Variants in PAX5 observed in about 807,000 individuals in gnomAD.
PAX5 encodes paired box 5.
A neutral mutation model predicts 43.7 loss-of-function variants in PAX5; 9 were observed. The ratio of observed to expected loss-of-function variants is 0.21; its 90% CI spans 0.12 to 0.36. The LOEUF (loss-of-function observed/expected upper bound fraction) is 0.36. Among genes scored for constraint, PAX5 ranks in the 10% least tolerant of loss-of-function variants. The pLI is 1.00. For missense variants in PAX5, 383 were observed against 532.7 expected, an observed-to-expected ratio of 0.72 and a Z score of 2.77; for synonymous variants, 228 against 214.3, an observed-to-expected ratio of 1.06 and a Z score of -0.56.
At position 36,986,860 on chromosome 9, in the gene PAX5, C is replaced by T. The variant is rs560998864; in HGVS notation, c.604+15788G>A. ...GCGCCCTTGAGCGACTCGCTTCCTGCTCCTCTCATGCCTGGCTTTCTTCAC... is the reference window on the plus strand; with the variant it reads ...GCGCCCTTGAGCGACTCGCTTCCTGTTCCTCTCATGCCTGGCTTTCTTCAC... On this transcript the variant is annotated intron_variant, in intron 5 of 9. Coordinates refer to ENST00000358127, the MANE Select transcript of PAX5 (RefSeq NM_016734.3). Among the ~76,000 whole-genome samples, 3 of 152,366 alleles carry T rather than the reference C, an allele frequency of 2.0e-5. No homozygotes were observed. The East Asian group carries it at 5.8e-4, about 29-fold the overall frequency.
intron 5 of PAX5, among the ~76,000 whole-genome samples, chr9:36,987,920 C>T (rs1158482559): frequency 6.6e-6 from 1 of 152,210 alleles, no homozygotes; most frequent in Non-Finnish European, 1.5e-5. Context: ...ACAAACCTGA[C>T]CAATCGTCCT....
rs145556626 is a variant in PAX5, at chr9:37,021,064, T to C, written c.47-263A>G. On this transcript the variant is annotated intron_variant, in intron 1 of 9. Coordinates refer to ENST00000358127, the MANE Select transcript of PAX5 (RefSeq NM_016734.3). Reference sequence around the variant, plus strand: ...CATACTATTATTAGCATTTTCCCCGTAATTTTTCTAAACAATGAAATGTGT... The same window carrying C: ...CATACTATTATTAGCATTTTCCCCGCAATTTTTCTAAACAATGAAATGTGT... 6.7e-3 allele frequency among the ~76,000 whole-genome samples: 1,025 copies of C among 152,358 alleles called. 7 individuals are homozygous for C. The highest frequency in any genetic ancestry group is 0.01 in the Non-Finnish European group (686 of 68,038).
At chr9:36,906,367 G>A (rs1828823058) in intron 7 of PAX5, among the ~76,000 whole-genome samples, 1 of 152,206 alleles carries the variant, frequency 6.6e-6, no homozygotes, top group African/African-American at 2.4e-5. Flanking sequence ...GGCAGCAGAA[G>A]CAGAGGCCAA....
intron 6 of PAX5, among the ~76,000 whole-genome samples, chr9:36,936,554 G>T (rs1831569806): frequency 6.6e-6 from 1 of 152,114 alleles, no homozygotes; most frequent in Non-Finnish European, 1.5e-5. Flanking sequence ...CTGAATGAGG[G>T]GTCCAAAGGG....
intron 8 of PAX5, among the ~76,000 whole-genome samples, chr9:36,880,528 G>A (rs1274517344): frequency 1.3e-5 from 2 of 152,230 alleles, no homozygotes; most frequent in Admixed American, 6.5e-5. Context: ...CCTCTAAGGG[G>A]TGGCTCCCTT....
intron 5 of PAX5, among the ~76,000 whole-genome samples, chr9:36,994,117 G>C (rs1286441131): frequency 2.0e-5 from 3 of 152,166 alleles, no homozygotes; most frequent in African/African-American, 7.2e-5. Context: ...TGGGCACTAG[G>C]GAAAGGCCCC....
At chr9:36,889,830 G>T (rs908789911) in intron 7 of PAX5, among the ~76,000 whole-genome samples, 1 of 150,712 alleles carries the variant, frequency 6.6e-6, no homozygotes, top group African/African-American at 2.4e-5. Context: ...CCTTCATCAC[G>T]AACTCCACAA....
chr9:36,933,468 G>A (rs139166542), intron 6 of PAX5, among the ~76,000 whole-genome samples: 2 of 152,316 alleles, frequency 1.3e-5, no homozygotes, highest in African/African-American at 4.8e-5. Flanking sequence ...GGTCCGTGGT[G>A]CCCCGGGAGT....
chr9:36,848,632 C>T (rs1409498532), intron 8 of PAX5, among the ~76,000 whole-genome samples: 2 of 152,162 alleles, frequency 1.3e-5, no homozygotes, highest in South Asian at 2.1e-4. Flanking sequence ...GCCCTCCCCT[C>T]GGGACTCTGA....
intron 6 of PAX5, among the ~76,000 whole-genome samples, chr9:36,962,190 G>T (rs1392420086): frequency 6.7e-6 from 1 of 148,830 alleles, no homozygotes; most frequent in Non-Finnish European, 1.5e-5. Flanking sequence ...GGAGGATGTG[G>T]CCTCTCCAAA....
chr9:37,026,619 G>C, intron 1 of PAX5: 1 of 1,351,120 alleles, frequency 7.4e-7, no homozygotes, highest in Non-Finnish European at 9.7e-7. Context: ...GCCGCCTCCC[G>C]GCGCCAAGGG....
chr9:37,026,485 C>A, intron 1 of PAX5: 1 of 1,307,554 alleles, frequency 7.6e-7, no homozygotes, highest in Non-Finnish European at 1.0e-6. Context: ...GCACCCCCAA[C>A]CCGGTCCCGG....
intron 1 of PAX5, chr9:37,026,672 C>G (rs1840409480): frequency 7.5e-7 from 1 of 1,334,390 alleles, no homozygotes; most frequent in African/African-American, 1.5e-5. Flanking sequence ...AGGCCAGGCA[C>G]TGTGCGAGCT....
chr9:36,957,257 C>G (rs528079979), intron 6 of PAX5, among the ~76,000 whole-genome samples: 1 of 152,292 alleles, frequency 6.6e-6, no homozygotes, highest in Admixed American at 6.5e-5. Flanking sequence ...GGTGGGTAAG[C>G]CAGGGAGGGT....
intron 8 of PAX5, among the ~76,000 whole-genome samples, chr9:36,863,990 T>C (rs1351322681): frequency 6.6e-6 from 1 of 152,118 alleles, no homozygotes; most frequent in African/African-American, 2.4e-5. Context: ...GTGCCTGTAG[T>C]CCCAGCTACT....
chr9:36,921,587 G>A (rs961454448), intron 7 of PAX5, among the ~76,000 whole-genome samples: 3 of 152,140 alleles, frequency 2.0e-5, no homozygotes, highest in Admixed American at 6.5e-5. Context: ...TGATCATAAC[G>A]GTCCCACCTC....
chr9:36,889,714 C>G (rs993760179), intron 7 of PAX5, among the ~76,000 whole-genome samples: 6 of 152,206 alleles, frequency 3.9e-5, no homozygotes, highest in Non-Finnish European at 5.9e-5. Flanking sequence ...GCCTGGCACA[C>G]AGTAGGTACT....
intron 5 of PAX5, among the ~76,000 whole-genome samples, chr9:36,981,451 A>AAAAAC (rs1835939687): frequency 6.6e-6 from 1 of 151,166 alleles, no homozygotes; most frequent in African/African-American, 2.4e-5. Context: ...AAAAAAACAA[A>AAAAAC]AAACAGGTAC....
At chr9:36,997,193 A>T (rs1009131114) in intron 5 of PAX5, among the ~76,000 whole-genome samples, 3 of 152,132 alleles carry the variant, frequency 2.0e-5, no homozygotes, top group African/African-American at 7.2e-5. Context: ...CCACCTCTGA[A>T]CCCTGGCTGC....
Sources: gnomAD v4.1 joint callset for allele counts (sites outside exome capture counted in the v4.1 genomes callset) on GRCh38, gnomAD v4.1.1 for gene constraint, MANE v1.5 for transcripts, NCBI Gene and HGNC (gene_info 2026-07-23, HGNC 2026-07-21) for gene names.